Variants in STIM2 observed in about 807,000 individuals in gnomAD.
STIM2 encodes the protein stromal interaction molecule 2.
STIM2 carries 31 observed loss-of-function variants against 85.8 expected under a neutral mutation model. The ratio of observed to expected loss-of-function variants is 0.36; its 90% CI spans 0.27 to 0.49. The LOEUF (loss-of-function observed/expected upper bound fraction) is 0.49. STIM2 is among the 20% of genes least tolerant of loss of function. STIM2 has a pLI of 0.98. For missense variants in STIM2, 841 were observed against 927.6 expected (o/e 0.91, Z 1.21); for synonymous variants, 356 against 331.1 (o/e 1.08, Z -0.82).
At chr4:26,974,703 C>A (rs972912287) in intron 3 of STIM2, among the ~76,000 whole-genome samples, 1 of 152,144 alleles carries the variant, frequency 6.6e-6, no homozygotes, top group Non-Finnish European at 1.5e-5. Context: ...GTGAATCTGA[C>A]AATTATGCGT....
At chr4:26,864,219 A>T (rs1177675202) in intron 1 of STIM2, among the ~76,000 whole-genome samples, 2 of 152,136 alleles carry the variant, frequency 1.3e-5, no homozygotes, top group African/African-American at 4.8e-5. Flanking sequence ...AATATTCATA[A>T]CATTATATAG....
Position 26,872,851 on chromosome 4 carries a change from C to T in STIM2, c.151+11482C>T, listed in dbSNP as rs189575408. Among the ~76,000 whole-genome samples the T allele has an allele frequency of 2.6e-4, 40 of 152,262 alleles. No individual in the cohort carries two copies. In the East Asian group the frequency reaches 7.5e-3, roughly 29 times the overall value. ...TAGGTAGGCTAGTTAGAGAAGGCTT[C>T]TGAGAAGGTCACATTTAAGGTGGCA... On this transcript the variant is annotated intron_variant, in intron 1 of 11. Coordinates refer to ENST00000467087, the MANE Select transcript of STIM2 (RefSeq NM_020860.4).
chr4:26,903,406 G>C (rs192596286), intron 1 of STIM2, among the ~76,000 whole-genome samples: 245 of 152,190 alleles, frequency 1.6e-3, no homozygotes, highest in Non-Finnish European at 2.8e-3. Flanking sequence ...GAACGGTTTT[G>C]TTATACACAC....
rs1727171619 is a variant in STIM2 at position 26,976,010 on chromosome 4, T to C, written c.397+18284T>C. On this transcript the variant is annotated intron_variant, in intron 3 of 11. Coordinates refer to ENST00000467087, the MANE Select transcript of STIM2 (RefSeq NM_020860.4). ...ACCTTACAGTTCAATCTCAGACTGC[T>C]GCGCTAGCAGTGAGCAAGGCTTCGT... 5.9e-5 allele frequency among the ~76,000 whole-genome samples: 9 copies of C among 152,238 alleles called. No homozygotes were observed. The South Asian group carries it at 1.9e-3, about 32-fold the overall frequency.
chr4:27,020,937 T>A (rs1283182992), intron 11 of STIM2: 1 of 1,445,220 alleles, frequency 6.9e-7, no homozygotes, highest in Admixed American at 2.0e-5. Flanking sequence ...TGTATTTCTT[T>A]TGCCACTTTT....
rs554109147 is a variant in STIM2, at chr4:26,952,200, G to A, written c.283-5412G>A. ...ACACATCCAAACCATATCAGAGGAT[G>A]AGATCAAGGTTATTAAAACAAAGAA... On this transcript the variant is annotated intron_variant, in intron 2 of 11. Coordinates refer to ENST00000467087, the MANE Select transcript of STIM2 (RefSeq NM_020860.4). Among the ~76,000 whole-genome samples the A allele has an allele frequency of 6.3e-4, 96 of 152,204 alleles. 1 individual carries two copies. Among genetic ancestry groups the A allele is most frequent in the Non-Finnish European group, 1.1e-3 (78 of 67,994 alleles).
chr4:26,876,610 A>G (rs1353343851), intron 1 of STIM2, among the ~76,000 whole-genome samples: 2 of 152,174 alleles, frequency 1.3e-5, no homozygotes, highest in African/African-American at 2.4e-5. Flanking sequence ...TATTAAATTT[A>G]TATATAATAG....
chr4:26,973,724 G>A (rs1577472621), intron 3 of STIM2, among the ~76,000 whole-genome samples: 1 of 152,310 alleles, frequency 6.6e-6, no homozygotes. Flanking sequence ...GTTGATTAGG[G>A]CTGGAGAGTT....
intron 1 of STIM2, among the ~76,000 whole-genome samples, chr4:26,897,259 G>A (rs1415321777): frequency 6.6e-6 from 1 of 152,164 alleles, no homozygotes; most frequent in Non-Finnish European, 1.5e-5. Context: ...AAGTATGAGA[G>A]AGAGAGTTTC....
chr4:26,933,012 G>A (rs1257630735), intron 2 of STIM2, among the ~76,000 whole-genome samples: 1 of 152,164 alleles, frequency 6.6e-6, no homozygotes, highest in East Asian at 1.9e-4. Flanking sequence ...GCAGATTAAT[G>A]CTGGTATGAT....
At chr4:26,971,803 A>G (rs376097912) in intron 3 of STIM2, among the ~76,000 whole-genome samples, 1 of 152,134 alleles carries the variant, frequency 6.6e-6, no homozygotes, top group South Asian at 2.1e-4. Flanking sequence ...TGATGGGGAT[A>G]GCATTGAATC....
intron 2 of STIM2, among the ~76,000 whole-genome samples, chr4:26,953,227 T>G (rs1726121812): frequency 6.6e-6 from 1 of 152,292 alleles, no homozygotes; most frequent in East Asian, 1.9e-4. Context: ...ATGTCTGATA[T>G]TCCCCAAAAC....
At chr4:26,873,188 T>G (rs1357425757) in intron 1 of STIM2, among the ~76,000 whole-genome samples, 2 of 152,030 alleles carry the variant, frequency 1.3e-5, no homozygotes, top group African/African-American at 4.8e-5. Flanking sequence ...TCACCTGAGG[T>G]CAGGAGTTGA....
chr4:27,016,208 T>C (rs967303449), intron 10 of STIM2, among the ~76,000 whole-genome samples: 1 of 152,240 alleles, frequency 6.6e-6, no homozygotes, highest in Admixed American at 6.5e-5. Context: ...TTTCAATTTA[T>C]TGTTATATAG....
chr4:26,958,507 C>T (rs541090278), intron 3 of STIM2, among the ~76,000 whole-genome samples: 5 of 152,138 alleles, frequency 3.3e-5, no homozygotes, highest in Admixed American at 1.3e-4. Context: ...TTACTTGAGT[C>T]ATTATGATAA....
At chr4:26,964,287 T>G (rs1365720187) in intron 3 of STIM2, among the ~76,000 whole-genome samples, 1 of 151,956 alleles carries the variant, frequency 6.6e-6, no homozygotes, top group Non-Finnish European at 1.5e-5. Flanking sequence ...TCTGTCTTGA[T>G]AGCAAAAAAG....
At chr4:26,944,050 A>G (rs1725720846) in intron 2 of STIM2, among the ~76,000 whole-genome samples, 1 of 152,132 alleles carries the variant, frequency 6.6e-6, no homozygotes, top group South Asian at 2.1e-4. Flanking sequence ...TATCTAGATA[A>G]TGTGGTTAGG....
rs529396311 is a variant in STIM2, at chr4:26,860,924, CTTTTT to C, written c.-281_-277del. 4.0e-4 allele frequency: 401 copies of C among 1,008,978 alleles called. No homozygotes were observed. The highest frequency in any genetic ancestry group is 1.7e-3 in the South Asian group (77 of 46,216). The allele number at this position is 1,008,978 out of a possible 1,614,324, so 62.5% of individuals were successfully genotyped here. The stretch of plus-strand genomic sequence containing the variant: ...GACGCCGTACCTTTCTACCCCCCAC[CTTTTT>C]TTTTTTTTTTTTTAAATAACCGGAA... On this transcript the variant is annotated 5_prime_UTR_variant, in exon 1 of 12. Transcript: ENST00000467087.
chr4:27,011,238 C>G (rs1728544104), intron 10 of STIM2, among the ~76,000 whole-genome samples: 1 of 152,120 alleles, frequency 6.6e-6, no homozygotes, highest in African/African-American at 2.4e-5. Context: ...TGTTATCAAA[C>G]TAGGTGATAT....
Sources: gnomAD v4.1 joint callset for allele counts (sites outside exome capture counted in the v4.1 genomes callset) on GRCh38, gnomAD v4.1.1 for gene constraint, MANE v1.5 for transcripts, NCBI Gene and HGNC (gene_info 2026-07-23, HGNC 2026-07-21) for gene names.